MYO9A: variants seen among roughly 807,000 people sequenced by gnomAD.
The protein encoded by MYO9A is unconventional myosin-IXa.
Under a neutral mutation model 293.3 loss-of-function variants are expected in MYO9A, and 103 were observed. That is an observed-to-expected ratio of 0.35 (90% CI 0.30 to 0.41). The LOEUF (loss-of-function observed/expected upper bound fraction) is 0.41. MYO9A is among the 10% of genes least tolerant of loss of function. MYO9A has a pLI of 1.00. For synonymous variants in MYO9A, 1,001 were observed against 1,035.7 expected (o/e 0.97, Z 0.64); for missense variants, 2,685 against 3,033.0 (o/e 0.89, Z 2.69).
chr15:72,003,719 A>AC (rs1168226806), intron 8 of MYO9A, among the ~76,000 whole-genome samples: 12 of 150,656 alleles, frequency 8.0e-5, no homozygotes, highest in Admixed American at 2.0e-4. Context: ...AAAAAAAAAA[A>AC]AATAAGAACT....
At chr15:71,983,854 C>CT (rs1414135638) in intron 11 of MYO9A, among the ~76,000 whole-genome samples, 1 of 152,186 alleles carries the variant, frequency 6.6e-6, no homozygotes, top group East Asian at 1.9e-4. Flanking sequence ...GATTCAACGA[C>CT]TTTTTTATAA....
chr15:71,834,411 CTA>C (rs1210479560), intron 39 of MYO9A, among the ~76,000 whole-genome samples: 4 of 152,070 alleles, frequency 2.6e-5, no homozygotes, highest in African/African-American at 9.7e-5. Flanking sequence ...AAAAAAGAAA[CTA>C]TTCCCTAACT....
At chr15:72,084,923 G>C (rs181039898) in intron 1 of MYO9A, among the ~76,000 whole-genome samples, 30 of 152,262 alleles carry the variant, frequency 2.0e-4, no homozygotes, top group Admixed American at 1.5e-3. Context: ...CTCTTTCAGG[G>C]ACACCAATGA....
chr15:71,829,312 T>G (rs1260801830), intron 40 of MYO9A, among the ~76,000 whole-genome samples: 1 of 152,092 alleles, frequency 6.6e-6, no homozygotes, highest in Non-Finnish European at 1.5e-5. Flanking sequence ...TTAACAGTCT[T>G]ATATCCCCTT....
intron 1 of MYO9A, among the ~76,000 whole-genome samples, chr15:72,055,691 A>C (rs549158245): frequency 7.3e-4 from 111 of 152,292 alleles, no homozygotes; most frequent in African/African-American, 2.5e-3. Context: ...GATACACAAA[A>C]GGTCAACAAA....
In MYO9A at chr15:71,909,877, T is replaced by A. The variant is rs1230942236; in HGVS notation, c.2686-4871A>T. On this transcript the variant is annotated intron_variant, in intron 19 of 41. Transcript: ENST00000356056. ...GGCTTGGCACAGTGTCACATGCCTG[T>A]AGCCACAGCTACTTGGGAGGCTGAG... Among the ~76,000 whole-genome samples, 6 of 152,130 alleles carry A rather than the reference T, an allele frequency of 3.9e-5. No individual in the cohort carries two copies. The East Asian group carries it at 7.7e-4, about 20-fold the overall frequency.
At chr15:71,989,750 G>A (rs922116160) in intron 11 of MYO9A, among the ~76,000 whole-genome samples, 18 of 152,150 alleles carry the variant, frequency 1.2e-4, no homozygotes, top group African/African-American at 4.3e-4. Flanking sequence ...TCAAGGCCAG[G>A]AGTGGTAGTT....
At chr15:71,978,614 A>G (rs990438073) in intron 11 of MYO9A, among the ~76,000 whole-genome samples, 5 of 152,104 alleles carry the variant, frequency 3.3e-5, no homozygotes, top group Non-Finnish European at 7.4e-5. Flanking sequence ...AAAAAGGCTA[A>G]TATCTCCCAC....
chr15:72,014,639 T>C (rs1386019010), intron 6 of MYO9A, among the ~76,000 whole-genome samples: 1 of 151,454 alleles, frequency 6.6e-6, no homozygotes, highest in Non-Finnish European at 1.5e-5. Flanking sequence ...TGAGCTGATA[T>C]GGTGCCACTG....
chr15:72,058,742 T>G (rs1441920223), intron 1 of MYO9A, among the ~76,000 whole-genome samples: 1 of 152,156 alleles, frequency 6.6e-6, no homozygotes, highest in Non-Finnish European at 1.5e-5. Flanking sequence ...TAGCAGGGTG[T>G]GGTTCAGAAT....
rs572805203 is a variant in MYO9A, at chr15:72,017,568, GT to G, written c.1155+1470del. On this transcript the variant is annotated intron_variant, in intron 6 of 41. Transcript: ENST00000356056. Reference sequence around the variant, plus strand: ...GAATCTATAAATTTATATGTCAAGTGTTTTTTTCCCCAAAATGTTAAATCTA... The same window carrying G: ...GAATCTATAAATTTATATGTCAAGTGTTTTTTCCCCAAAATGTTAAATCTA... Among the ~76,000 whole-genome samples, 7 of 152,040 alleles carry G rather than the reference GT, an allele frequency of 4.6e-5. No individual in the cohort carries two copies. In the East Asian group the frequency reaches 5.8e-4, roughly 13 times the overall value.
intron 19 of MYO9A, among the ~76,000 whole-genome samples, chr15:71,912,260 T>G (rs1024842711): frequency 6.6e-6 from 1 of 150,788 alleles, no homozygotes; most frequent in Non-Finnish European, 1.5e-5. Context: ...AGAGAAAAGT[T>G]TTTTTTTTTT....
intron 9 of MYO9A, among the ~76,000 whole-genome samples, chr15:71,997,711 A>T (rs1303092033): frequency 1.3e-5 from 2 of 152,136 alleles, no homozygotes; most frequent in Non-Finnish European, 2.9e-5. Flanking sequence ...ACTAAAAAAA[A>T]TTTGTAATGA....
At chr15:72,059,543 G>T (rs530778169) in intron 1 of MYO9A, among the ~76,000 whole-genome samples, 52 of 152,276 alleles carry the variant, frequency 3.4e-4, no homozygotes, top group African/African-American at 1.3e-3. Context: ...AGCCTATTAC[G>T]TTTTTATTTT....
At position 72,006,031 on chromosome 15, in the gene MYO9A, C is replaced by T. The variant is rs576727109; in HGVS notation, c.1380+1795G>A. 3.9e-5 allele frequency among the ~76,000 whole-genome samples: 6 copies of T among 152,166 alleles called. No homozygotes were observed. In the South Asian group the frequency reaches 1.2e-3, roughly 32 times the overall value. ...ACATCTATATAATGGAATATTACCC[C>T]GTAATAAACAGAAATGAGCTATCAA... On this transcript the variant is annotated intron_variant, in intron 8 of 41. Transcript: ENST00000356056.
At chr15:72,107,917 G>GA (rs1327571610) in intron 1 of MYO9A, among the ~76,000 whole-genome samples, 1 of 151,922 alleles carries the variant, frequency 6.6e-6, no homozygotes, top group Non-Finnish European at 1.5e-5. Context: ...AAAAATTAAG[G>GA]AAAAAATTAA....
At chr15:71,901,785 T>C (rs1484485979) in intron 22 of MYO9A, among the ~76,000 whole-genome samples, 1 of 152,144 alleles carries the variant, frequency 6.6e-6, no homozygotes, top group African/African-American at 2.4e-5. Flanking sequence ...GGGAAACCAC[T>C]GCTATGAGTA....
chr15:71,937,055 G>A (rs1281093317), intron 16 of MYO9A, among the ~76,000 whole-genome samples: 1 of 151,754 alleles, frequency 6.6e-6, no homozygotes, highest in Non-Finnish European at 1.5e-5. Context: ...GAGGGAGGGA[G>A]AGGGAGGAAA....
At chr15:71,901,372 C>T (rs752776790) in intron 22 of MYO9A, 32 bp from the exon 23 acceptor site, 3 of 1,583,060 alleles carry the variant, frequency 1.9e-6, no homozygotes, top group Non-Finnish European at 2.6e-6. Flanking sequence ...AGGAATGCAG[C>T]TTAAGAAGAA....
Sources: gnomAD v4.1 joint callset for allele counts (sites outside exome capture counted in the v4.1 genomes callset) on GRCh38, gnomAD v4.1.1 for gene constraint, MANE v1.5 for transcripts, NCBI Gene and HGNC (gene_info 2026-07-23, HGNC 2026-07-21) for gene names.